Variants in CARMIL1 observed in about 807,000 individuals in gnomAD.
CARMIL1 encodes capping protein regulator and myosin 1 linker 1.
CARMIL1 carries 90 observed loss-of-function variants against 177.1 expected under a neutral mutation model. That is an observed-to-expected ratio of 0.51 (90% CI 0.43 to 0.61). The LOEUF (loss-of-function observed/expected upper bound fraction) is 0.61, where lower values mean the gene tolerates loss of function less well. Among genes scored for constraint, CARMIL1 ranks in the 20% least tolerant of loss-of-function variants. The probability of loss-of-function intolerance (pLI) is 0.00; values close to 1 mark genes in which losing one functional copy is unlikely to be tolerated. For synonymous variants in CARMIL1, 577 were observed against 606.2 expected (o/e 0.95, Z 0.71); for missense variants, 1,380 against 1,667.0 (o/e 0.83, Z 3.00).
At chr6:25,451,011 C>T (rs1383493695) in intron 8 of CARMIL1, among the ~76,000 whole-genome samples, 1 of 97,896 alleles carries the variant, frequency 1.0e-5, no homozygotes, top group Admixed American at 1.2e-4. Context: ...CCCCTCTCCC[C>T]TCTCCCCTCT....
At chr6:25,547,247 A>T (rs945373705) in intron 26 of CARMIL1, among the ~76,000 whole-genome samples, 2 of 152,150 alleles carry the variant, frequency 1.3e-5, no homozygotes, top group Admixed American at 1.3e-4. Context: ...TTTTTCCTCA[A>T]ATTTATCTGT....
At position 25,449,914 on chromosome 6, in the gene CARMIL1, G is replaced by A. The variant is rs1184778243; in HGVS notation, c.388G>A (p.Val130Ile). 1 of 1,605,640 alleles carries A rather than the reference G, an allele frequency of 6.2e-7. No homozygotes were observed. The highest frequency in any genetic ancestry group is 1.7e-5 in the Admixed American group (1 of 59,144). ...GLSPVRIMKK[V>I]SMEPSERLAS... ...ATCTTACAGGAGAATCATGAAAAAAGTCTCCATGGAGCCATCTGAGCGCCT... is the reference window on the plus strand; with the variant it reads ...ATCTTACAGGAGAATCATGAAAAAAATCTCCATGGAGCCATCTGAGCGCCT... The change falls in exon 6 of 37, where the codon GTC (valine) becomes ATC (isoleucine). Residue 130 changes from valine to isoleucine, a missense_variant. Coordinates refer to ENST00000329474, the MANE Select transcript of CARMIL1 (RefSeq NM_017640.6).
intron 8 of CARMIL1, among the ~76,000 whole-genome samples, chr6:25,459,247 T>TTTCG (rs1799842690): frequency 8.7e-6 from 1 of 115,158 alleles, no homozygotes; most frequent in East Asian, 2.8e-4. Context: ...TCTTTCTTTC[T>TTTCG]TTCTTTCTTT....
At chr6:25,314,397 C>T (rs1186461969) in intron 2 of CARMIL1, among the ~76,000 whole-genome samples, 2 of 147,752 alleles carry the variant, frequency 1.4e-5, no homozygotes, top group African/African-American at 5.0e-5. Context: ...TGCTTGAACC[C>T]GGGAGGCAGA....
At chr6:25,400,299 C>G (rs551732897) in intron 2 of CARMIL1, among the ~76,000 whole-genome samples, 1 of 152,262 alleles carries the variant, frequency 6.6e-6, no homozygotes, top group South Asian at 2.1e-4. Context: ...AAGTCCACAC[C>G]CAGCGCCTGG....
At chr6:25,589,359 T>A (rs1172537918) in intron 31 of CARMIL1, among the ~76,000 whole-genome samples, 1 of 152,246 alleles carries the variant, frequency 6.6e-6, no homozygotes, top group African/African-American at 2.4e-5. Flanking sequence ...TTCAGCTCTT[T>A]CGATGTACTT....
At chr6:25,446,301 AT>A (rs1798230681) in intron 5 of CARMIL1, among the ~76,000 whole-genome samples, 1 of 152,248 alleles carries the variant, frequency 6.6e-6, no homozygotes, top group African/African-American at 2.4e-5. Flanking sequence ...TTTCATCTAC[AT>A]TGAAAATCAG....
Position 25,538,835 on chromosome 6 carries a change from C to G in CARMIL1, c.2196+852C>G, listed in dbSNP as rs181360717. ...GTGAACTGAATCTGTCAGCCCACCC[C>G]CTGGACGCCATGGAAATGGAGAGGG... is the stretch of plus-strand genomic sequence containing the variant. On this transcript the variant is annotated intron_variant, in intron 25 of 36. Transcript: ENST00000329474. Among the ~76,000 whole-genome samples the G allele has an allele frequency of 9.2e-5, 14 of 152,208 alleles. No individual in the cohort carries two copies. In the East Asian group the frequency reaches 2.5e-3, roughly 27 times the overall value.
chr6:25,528,306 TTCTCTC>T (rs1235914812), intron 23 of CARMIL1, among the ~76,000 whole-genome samples: 1 of 152,216 alleles, frequency 6.6e-6, no homozygotes, highest in African/African-American at 2.4e-5. Context: ...TTGCGATTCT[TTCTCTC>T]TCTTTTTACG....
At chr6:25,280,612 G>C (rs967090854) in intron 1 of CARMIL1, among the ~76,000 whole-genome samples, 1 of 151,846 alleles carries the variant, frequency 6.6e-6, no homozygotes, top group Non-Finnish European at 1.5e-5. Context: ...GTGGTGGTGG[G>C]GGCGGGGCTG....
chr6:25,482,347 C>T lies in CARMIL1; in HGVS notation c.961+4C>T, dbSNP rs1381131571. ...AAAACCTCATTATCACCTAAAGGTACAGTATTTCTTATTTACCTAAGAGTG... is the reference window on the plus strand; with the variant it reads ...AAAACCTCATTATCACCTAAAGGTATAGTATTTCTTATTTACCTAAGAGTG... On this transcript the variant is annotated splice_donor_region_variant and intron_variant, in intron 12 of 36. Transcript: ENST00000329474. 1 of 1,450,028 alleles carries T rather than the reference C, an allele frequency of 6.9e-7. No individual in the cohort carries two copies. Among genetic ancestry groups the T allele is most frequent in the Non-Finnish European group, 9.5e-7 (1 of 1,049,758 alleles). 89.8% of individuals were successfully genotyped at this position (1,450,028 alleles called of 1,614,324 possible).
chr6:25,429,533 C>G (rs1050761679), intron 4 of CARMIL1, among the ~76,000 whole-genome samples: 12 of 152,158 alleles, frequency 7.9e-5, no homozygotes, highest in African/African-American at 2.7e-4. Flanking sequence ...AGCAAATCTT[C>G]TTGTCTTTTT....
chr6:25,618,259 A>C (rs1759446626), intron 36 of CARMIL1, among the ~76,000 whole-genome samples: 1 of 124,496 alleles, frequency 8.0e-6, no homozygotes, highest in Non-Finnish European at 1.7e-5. Context: ...CAGCAAGATA[A>C]GTTTTTTTTT....
At chr6:25,313,866 C>T (rs1304349017) in intron 2 of CARMIL1, among the ~76,000 whole-genome samples, 1 of 151,360 alleles carries the variant, frequency 6.6e-6, no homozygotes, top group Non-Finnish European at 1.5e-5. Context: ...TGAGAAACCA[C>T]AGGATGTAGA....
At chr6:25,401,863 G>C (rs1316450450) in intron 2 of CARMIL1, among the ~76,000 whole-genome samples, 2 of 152,116 alleles carry the variant, frequency 1.3e-5, no homozygotes, top group African/African-American at 2.4e-5. Context: ...GACGTTGTTG[G>C]GACATGTGGA....
intron 5 of CARMIL1, among the ~76,000 whole-genome samples, chr6:25,441,337 A>ATATATATATATATATATATATATGTG: frequency 1.1e-5 from 1 of 94,532 alleles, no homozygotes; most frequent in African/African-American, 4.4e-5. Flanking sequence ...ATATATATAT[A>ATATATATATATATATATATATATGTG]TGTGTGTGTG....
Position 25,558,832 on chromosome 6 carries a change from C to T in CARMIL1, c.2742+1982C>T. Among the ~76,000 whole-genome samples the T allele has an allele frequency of 6.6e-6, 1 of 152,102 alleles. No homozygotes were observed. The highest frequency in any genetic ancestry group is 2.4e-5 in the African/African-American group (1 of 41,496). On this transcript the variant is annotated intron_variant, in intron 29 of 36. Coordinates refer to ENST00000329474, the MANE Select transcript of CARMIL1 (RefSeq NM_017640.6). The surrounding 1 kb of genome is among the most constrained non-coding windows in gnomAD (Gnocchi z 4.1). Reference sequence around the variant, plus strand: ...GTGTTGAGGGAGTGACAGAGAAACACAAGAGCTCTTCATCAAAAAAAGAAT... The same window carrying T: ...GTGTTGAGGGAGTGACAGAGAAACATAAGAGCTCTTCATCAAAAAAAGAAT...
intron 31 of CARMIL1, among the ~76,000 whole-genome samples, chr6:25,586,006 T>C (rs958820805): frequency 3.3e-5 from 5 of 152,236 alleles, no homozygotes; most frequent in South Asian, 2.1e-4. Context: ...TTTCCCCCTT[T>C]TCTATTTGAC....
At chr6:25,482,800 C>T (rs1582103267) in intron 12 of CARMIL1, among the ~76,000 whole-genome samples, 1 of 152,182 alleles carries the variant, frequency 6.6e-6, no homozygotes, top group East Asian at 1.9e-4. Context: ...TCCTTATCTT[C>T]TCTCCAGGTC....
Sources: allele counts gnomAD v4.1 joint callset (sites outside exome capture counted in the v4.1 genomes callset), GRCh38; gene constraint gnomAD v4.1.1; non-coding constraint Gnocchi (gnomAD v3.1); transcripts MANE v1.5; gene names NCBI Gene and HGNC (gene_info 2026-07-23, HGNC 2026-07-21).